NRXN3: variants seen among roughly 807,000 people sequenced by gnomAD.
NRXN3 encodes neurexin III.
Under a neutral mutation model 137.6 loss-of-function variants are expected in NRXN3, and 32 were observed. That is an observed-to-expected ratio of 0.23 (90% CI 0.18 to 0.31). The LOEUF is 0.31. Ranked by LOEUF, NRXN3 falls within the 10% of genes least tolerant of loss-of-function variation. The pLI is 1.00. For synonymous variants in NRXN3, 798 were observed against 784.5 expected, an observed-to-expected ratio of 1.02 and a Z score of -0.29; for missense variants, 1,574 against 2,062.5, an observed-to-expected ratio of 0.76 and a Z score of 4.59.
At chr14:79,420,650 A>C (rs938329518) in intron 15 of NRXN3, among the ~76,000 whole-genome samples, 1 of 152,194 alleles carries the variant, frequency 6.6e-6, no homozygotes, top group African/African-American at 2.4e-5. Context: ...AAAACCAAAA[A>C]GCAAGCAAAA....
chr14:79,454,152 C>T (rs1000525041), intron 15 of NRXN3, among the ~76,000 whole-genome samples: 8 of 151,788 alleles, frequency 5.3e-5, no homozygotes, highest in African/African-American at 1.7e-4. Context: ...GGCGTGATCT[C>T]GGCTCACTGC....
intron 1 of NRXN3, among the ~76,000 whole-genome samples, chr14:78,227,953 G>T (rs186534238): frequency 6.6e-6 from 1 of 152,238 alleles, no homozygotes; most frequent in Admixed American, 6.5e-5. Context: ...ATGCTTTTCA[G>T]GCCTCTGCTG....
intron 4 of NRXN3, among the ~76,000 whole-genome samples, chr14:78,527,127 C>G (rs547217125): frequency 1.3e-5 from 2 of 152,254 alleles, no homozygotes; most frequent in East Asian, 3.9e-4. Context: ...AAATTTACCC[C>G]TTTATTTATC....
At chr14:79,824,403 G>GTTC (rs71103823) in intron 20 of NRXN3, among the ~76,000 whole-genome samples, 137,927 of 151,948 alleles carry the variant, frequency 0.91, 62,628 homozygotes, top group East Asian at 0.95. Flanking sequence ...TTTTTTGATG[G>GTTC]TTTTTTTTTC....
At chr14:78,737,798 G>A (rs2098547607) in intron 8 of NRXN3, among the ~76,000 whole-genome samples, 1 of 152,118 alleles carries the variant, frequency 6.6e-6, no homozygotes. Context: ...GCTGCTTAGG[G>A]GCTGGTAGGC....
chr14:79,064,538 G>A (rs2099678260), intron 15 of NRXN3, among the ~76,000 whole-genome samples: 1 of 151,706 alleles, frequency 6.6e-6, no homozygotes, highest in East Asian at 1.9e-4. Flanking sequence ...TCTTCCTCTA[G>A]CTTTAGGGAC....
At chr14:79,509,028 C>A (rs2096906855) in intron 16 of NRXN3, among the ~76,000 whole-genome samples, 2 of 151,912 alleles carry the variant, frequency 1.3e-5, no homozygotes, top group African/African-American at 4.8e-5. Flanking sequence ...AACCCCGTCT[C>A]TACTAAAAAT....
chr14:78,573,563 T>C (rs2096909007), intron 4 of NRXN3, among the ~76,000 whole-genome samples: 1 of 152,210 alleles, frequency 6.6e-6, no homozygotes, highest in African/African-American at 2.4e-5. Flanking sequence ...GCCCTAGACA[T>C]CTATGGAACT....
At chr14:78,264,128 C>T (rs1048726813) in intron 2 of NRXN3, among the ~76,000 whole-genome samples, 1 of 152,140 alleles carries the variant, frequency 6.6e-6, no homozygotes, top group Non-Finnish European at 1.5e-5. Flanking sequence ...AAGAAACTTA[C>T]CCGAGGTCAT....
chr14:79,191,275 G>A (rs1324827088), intron 15 of NRXN3, among the ~76,000 whole-genome samples: 1 of 152,204 alleles, frequency 6.6e-6, no homozygotes, highest in Non-Finnish European at 1.5e-5. Flanking sequence ...AGCAGGGAGA[G>A]CAAACTGAAA....
chr14:79,527,632 G>A (rs997415928), intron 16 of NRXN3, among the ~76,000 whole-genome samples: 2 of 151,938 alleles, frequency 1.3e-5, no homozygotes, highest in African/African-American at 4.8e-5. Flanking sequence ...CAGCACTTTG[G>A]GGGGCCAAGG....
Position 79,139,169 on chromosome 14 carries a change from T to C in NRXN3, c.3262+151028T>C, listed in dbSNP as rs555072658. On this transcript the variant is annotated intron_variant, in intron 15 of 20. Coordinates refer to ENST00000335750, the MANE Select transcript of NRXN3 (RefSeq NM_001330195.2). Reference sequence around the variant, plus strand: ...GGAGCATTTTAAGTGTCCAGTAATATTTGCTCCTGGATCTACTTTGAATGG... The same window carrying C: ...GGAGCATTTTAAGTGTCCAGTAATACTTGCTCCTGGATCTACTTTGAATGG... Among the ~76,000 whole-genome samples the C allele has an allele frequency of 3.3e-5, 5 of 152,332 alleles. No homozygotes were observed. The South Asian group carries it at 1.0e-3, about 32-fold the overall frequency.
intron 4 of NRXN3, among the ~76,000 whole-genome samples, chr14:78,456,792 TCTTTCTC>T (rs2094717889): frequency 6.7e-6 from 1 of 148,586 alleles, no homozygotes; most frequent in East Asian, 2.0e-4. Flanking sequence ...TTTCTCTCTC[TCTTTCTC>T]TCTTTCTTTC....
rs2097642064 is a variant in NRXN3, at chr14:78,642,205, G to T, written c.758-2915G>T. On this transcript the variant is annotated intron_variant, in intron 4 of 20. Coordinates refer to ENST00000335750, the MANE Select transcript of NRXN3 (RefSeq NM_001330195.2). ...GAATATTTAGACTAAGAAAAGACCA[G>T]ACATGCCCCAAGCCCAGAGTACCAC... is the stretch of plus-strand genomic sequence containing the variant. Among the ~76,000 whole-genome samples, 2 of 152,136 alleles carry T rather than the reference G, an allele frequency of 1.3e-5. 1 individual carries two copies. The highest frequency in any genetic ancestry group is 4.1e-4 in the South Asian group (2 of 4,832).
chr14:78,648,647 C>T (rs1268060708), intron 5 of NRXN3, among the ~76,000 whole-genome samples: 1 of 152,172 alleles, frequency 6.6e-6, no homozygotes, highest in Non-Finnish European at 1.5e-5. Flanking sequence ...CTAGAGTACA[C>T]TACATAAGGC....
intron 16 of NRXN3, among the ~76,000 whole-genome samples, chr14:79,535,305 T>C (rs182854521): frequency 6.6e-6 from 1 of 152,290 alleles, no homozygotes; most frequent in East Asian, 1.9e-4. Context: ...TGGAGTTCAT[T>C]ATGCTCGCTG....
intron 15 of NRXN3, among the ~76,000 whole-genome samples, chr14:79,118,174 A>G (rs2152912451): frequency 6.6e-6 from 1 of 151,608 alleles, no homozygotes; most frequent in South Asian, 2.1e-4. Context: ...AAAAAAAAGG[A>G]ATGACTCTTT....
chr14:79,370,444 G>A (rs1000935272), intron 15 of NRXN3, among the ~76,000 whole-genome samples: 1 of 150,768 alleles, frequency 6.6e-6, no homozygotes, highest in Non-Finnish European at 1.5e-5. Flanking sequence ...TCAGCCTCCC[G>A]AGTAGCTGGG....
At chr14:78,670,561 A>G (rs1012541411) in intron 6 of NRXN3, among the ~76,000 whole-genome samples, 4 of 152,206 alleles carry the variant, frequency 2.6e-5, no homozygotes, top group African/African-American at 9.6e-5. Context: ...TCTGACAGCA[A>G]TAGCAGTTAA....
Sources: allele counts gnomAD v4.1 joint callset (sites outside exome capture counted in the v4.1 genomes callset), GRCh38; gene constraint gnomAD v4.1.1; transcripts MANE v1.5; gene names NCBI Gene and HGNC (gene_info 2026-07-23, HGNC 2026-07-21).